Variants in CSNK2A2IP observed in about 807,000 individuals in gnomAD.
CSNK2A2IP encodes the protein casein kinase II subunit alpha'-interacting protein.
the CSNK2A2IP span, among the ~76,000 whole-genome samples, chr3:88,456,761 T>G: frequency 0.35 from 52,737 of 151,596 alleles, 10,573 homozygotes; most frequent in Non-Finnish European, 0.46. Context: ...AAAAATCTGC[T>G]GTTTTAATAC....
chr3:88,394,604 C>G, the CSNK2A2IP span, among the ~76,000 whole-genome samples: 1 of 152,144 alleles, frequency 6.6e-6, no homozygotes, highest in African/African-American at 2.4e-5. Context: ...GAACTCTTGA[C>G]CTTAGGTGAT....
chr3:88,426,001 T>C, the CSNK2A2IP span, among the ~76,000 whole-genome samples: 1 of 152,200 alleles, frequency 6.6e-6, no homozygotes, highest in Non-Finnish European at 1.5e-5. Context: ...ATTTGCTAGT[T>C]GCTGCAAAGG....
the CSNK2A2IP span, among the ~76,000 whole-genome samples, chr3:88,409,248 T>G: frequency 6.6e-6 from 1 of 151,990 alleles, no homozygotes; most frequent in African/African-American, 2.4e-5. Flanking sequence ...CAGCAGTTAC[T>G]TTCTATTTCC....
chr3:88,356,523 A>G, the CSNK2A2IP span, among the ~76,000 whole-genome samples: 1 of 152,112 alleles, frequency 6.6e-6, no homozygotes, highest in East Asian at 1.9e-4. Context: ...GGTTGATTCC[A>G]TATCTTGACT....
At chr3:88,466,699 CT>C in the CSNK2A2IP span, 1 of 1,141,776 alleles carries the variant, frequency 8.8e-7, no homozygotes, top group Non-Finnish European at 1.1e-6. Context: ...ACAGAGGGAT[CT>C]CTGTAGGCAG....
At chr3:88,455,676 C>A in the CSNK2A2IP span, among the ~76,000 whole-genome samples, 3 of 151,488 alleles carry the variant, frequency 2.0e-5, no homozygotes, top group Non-Finnish European at 4.4e-5. Flanking sequence ...TTGATTGTTT[C>A]CTTTGTTATG....
chr3:88,411,807 GA>G, the CSNK2A2IP span, among the ~76,000 whole-genome samples: 2 of 150,670 alleles, frequency 1.3e-5, no homozygotes, highest in African/African-American at 4.9e-5. Flanking sequence ...ATAAACATGT[GA>G]AATATCTAAT....
the CSNK2A2IP span, among the ~76,000 whole-genome samples, chr3:88,345,632 G>T: frequency 0.93 from 140,719 of 151,854 alleles, 65,891 homozygotes; most frequent in South Asian, 1. Context: ...ATAATTGTTT[G>T]GGGATGCCAC....
At chr3:88,442,759 G>T in the CSNK2A2IP span, among the ~76,000 whole-genome samples, 1 of 151,004 alleles carries the variant, frequency 6.6e-6, no homozygotes, top group African/African-American at 2.4e-5. Context: ...AGCTAATCTA[G>T]ATTAAAAAAA....
the CSNK2A2IP span, among the ~76,000 whole-genome samples, chr3:88,377,599 G>T: frequency 6.6e-6 from 1 of 151,474 alleles, no homozygotes; most frequent in African/African-American, 2.4e-5. Context: ...AATATTAATA[G>T]TAATAATAGT....
chr3:88,440,041 G>T, the CSNK2A2IP span, among the ~76,000 whole-genome samples: 1 of 151,940 alleles, frequency 6.6e-6, no homozygotes, highest in African/African-American at 2.4e-5. Context: ...CATTATTTGG[G>T]GACTCAGTTT....
chr3:88,412,589 T>C, the CSNK2A2IP span, among the ~76,000 whole-genome samples: 2 of 152,052 alleles, frequency 1.3e-5, no homozygotes. Context: ...TTAGTGGGAA[T>C]AGGAGCACAG....
the CSNK2A2IP span, among the ~76,000 whole-genome samples, chr3:88,454,331 A>G: frequency 7.3e-6 from 1 of 136,280 alleles, no homozygotes; most frequent in Non-Finnish European, 1.6e-5. Context: ...ACAAGTCTTT[A>G]TTAGATAATG....
chr3:88,402,678 C>T, the CSNK2A2IP span, among the ~76,000 whole-genome samples: 2 of 150,728 alleles, frequency 1.3e-5, no homozygotes, highest in Admixed American at 1.3e-4. Context: ...TATGTGTAGA[C>T]ACACACATAT....
chr3:88,414,150 C>G, the CSNK2A2IP span, among the ~76,000 whole-genome samples: 1 of 148,458 alleles, frequency 6.7e-6, no homozygotes, highest in African/African-American at 2.5e-5. Context: ...AAGTACAATA[C>G]TTTACAAACG....
the CSNK2A2IP span, among the ~76,000 whole-genome samples, chr3:88,349,062 T>C: frequency 3.3e-5 from 5 of 152,198 alleles, no homozygotes; most frequent in East Asian, 5.8e-4. Flanking sequence ...CCAAGTTTTC[T>C]TGATGTTTCT....
the CSNK2A2IP span, among the ~76,000 whole-genome samples, chr3:88,375,166 T>G: frequency 6.6e-6 from 1 of 151,788 alleles, no homozygotes; most frequent in African/African-American, 2.4e-5. Context: ...TGCTCTATTC[T>G]GAATGACTTT....
chr3:88,457,597 T>C, the CSNK2A2IP span, among the ~76,000 whole-genome samples: 1 of 151,898 alleles, frequency 6.6e-6, no homozygotes, highest in African/African-American at 2.4e-5. Flanking sequence ...CTCAGGAGGC[T>C]GAGGCAGGAG....
At chr3:88,385,885 A>G in the CSNK2A2IP span, among the ~76,000 whole-genome samples, 1 of 152,208 alleles carries the variant, frequency 6.6e-6, no homozygotes, top group African/African-American at 2.4e-5. Context: ...TCAAAAAACA[A>G]TGGGTGAGAA....
Sources: allele counts gnomAD v4.1 joint callset (sites outside exome capture counted in the v4.1 genomes callset), GRCh38; gene constraint gnomAD v4.1.1; transcripts MANE v1.5; gene names NCBI Gene and HGNC (gene_info 2026-07-23, HGNC 2026-07-21).